Variants in TDRD10 observed in about 807,000 individuals in gnomAD.
TDRD10 encodes the protein tudor domain-containing protein 10.
Under a neutral mutation model 48.0 loss-of-function variants are expected in TDRD10, and 40 were observed. The observed-to-expected ratio is 0.83, with a 90% CI of 0.65 to 1.09. TDRD10 has a LOEUF of 1.09. Ranked by LOEUF, TDRD10 falls within the 50% of genes least tolerant of loss-of-function variation. The pLI, the probability that TDRD10 is intolerant of heterozygous loss-of-function variation, is 0.00. For synonymous variants in TDRD10, 162 were observed against 170.4 expected, an observed-to-expected ratio of 0.95 and a Z score of 0.38; for missense variants, 378 against 434.7, an observed-to-expected ratio of 0.87 and a Z score of 1.16.
intron 10 of TDRD10, 121 bp downstream of exon 10, chr1:154,544,638 C>G: frequency 4.1e-6 from 6 of 1,479,118 alleles, no homozygotes; most frequent in Non-Finnish European, 4.5e-6. Context: ...TCAAAATCAT[C>G]TTTATCCTTA....
At chr1:154,510,170 G>A (rs1259382241) in intron 4 of TDRD10, among the ~76,000 whole-genome samples, 1 of 151,432 alleles carries the variant, frequency 6.6e-6, no homozygotes, top group Non-Finnish European at 1.5e-5. Flanking sequence ...TTGGGAGGCT[G>A]AGGCAGAAGG....
At position 154,544,455 on chromosome 1, in the gene TDRD10, T is replaced by C. The variant is rs748414493; in HGVS notation, c.735T>C (p.Val245=). 67 of 1,612,842 alleles carry C rather than the reference T, an allele frequency of 4.2e-5. No homozygotes were observed. Among genetic ancestry groups the C allele is most frequent in the Non-Finnish European group, 5.7e-5 (67 of 1,179,748 alleles). The change falls in exon 10 of 13, where the codon GTT becomes GTC. Residue 245 remains valine (V), a synonymous_variant. Coordinates refer to ENST00000368482, the MANE Select transcript of TDRD10 (RefSeq NM_182499.4). The stretch of plus-strand genomic sequence containing the variant: ...AGCCCTACCTGGAGGGCTCCACCGT[T>C]ATGCGCGGGACTCGCTGTCTGGCAG... The part of the protein sequence containing the change: ...EQQPYLEGST[V]MRGTRCLAEY...
chr1:154,503,527 G>T (rs1010912407), intron 1 of TDRD10, among the ~76,000 whole-genome samples: 43 of 152,224 alleles, frequency 2.8e-4, no homozygotes, highest in African/African-American at 1.0e-3. Context: ...GGCGCAGGTT[G>T]CAGTGAGCTG....
At chr1:154,517,378 C>G (rs545684760) in intron 4 of TDRD10, among the ~76,000 whole-genome samples, 63 of 151,762 alleles carry the variant, frequency 4.2e-4, no homozygotes, top group African/African-American at 1.5e-3. Flanking sequence ...AATAGACATT[C>G]CAATTCTTAG....
intron 4 of TDRD10, among the ~76,000 whole-genome samples, chr1:154,512,248 A>G (rs1459638009): frequency 6.6e-6 from 1 of 152,116 alleles, no homozygotes; most frequent in Non-Finnish European, 1.5e-5. Flanking sequence ...GAATCATACA[A>G]TGTCGAATTT....
chr1:154,534,922 CAGCCAA>C (rs1430003609), intron 6 of TDRD10, among the ~76,000 whole-genome samples: 1 of 152,134 alleles, frequency 6.6e-6, no homozygotes, highest in Non-Finnish European at 1.5e-5. Flanking sequence ...AGATACAAAG[CAGCCAA>C]TGAGTGCCCA....
chr1:154,528,350 A>G (rs1187571451), intron 6 of TDRD10, among the ~76,000 whole-genome samples: 2 of 151,792 alleles, frequency 1.3e-5, no homozygotes, highest in Admixed American at 6.6e-5. Flanking sequence ...CAGCCTCCCT[A>G]GTAGCTGGGA....
intron 1 of TDRD10, among the ~76,000 whole-genome samples, chr1:154,504,310 T>C (rs1383743886): frequency 6.6e-6 from 1 of 152,270 alleles, no homozygotes; most frequent in African/African-American, 2.4e-5. Flanking sequence ...TTGGCTATTA[T>C]AAGCAACACT....
chr1:154,508,369 C>A, intron 3 of TDRD10, 54 bp from the exon 4 acceptor site: 1 of 1,251,566 alleles, frequency 8.0e-7, no homozygotes, highest in Non-Finnish European at 1.2e-6. Context: ...TCTGACTCCT[C>A]TGAATCCTCT....
intron 6 of TDRD10, 83 bp downstream of exon 6, chr1:154,521,562 C>T: frequency 6.8e-7 from 1 of 1,476,204 alleles, no homozygotes; most frequent in East Asian, 2.3e-5. Context: ...GTGCTTTCAT[C>T]CTCCTCCAGT....
At chr1:154,510,789 GT>G (rs1693419707) in intron 4 of TDRD10, among the ~76,000 whole-genome samples, 1 of 151,882 alleles carries the variant, frequency 6.6e-6, no homozygotes, top group South Asian at 2.1e-4. Context: ...GCTCACGCCT[GT>G]AATTCCAGCG....
chr1:154,509,489 C>T (rs574620889), intron 4 of TDRD10, among the ~76,000 whole-genome samples: 5 of 152,136 alleles, frequency 3.3e-5, no homozygotes, highest in Non-Finnish European at 7.4e-5. Flanking sequence ...TGAGAGGTCA[C>T]GTCCCGCAGC....
intron 6 of TDRD10, chr1:154,541,776 A>C: frequency 2.2e-6 from 1 of 448,456 alleles, no homozygotes. Context: ...GTAGCTCCAG[A>C]TGAGTGCTCC....
intron 6 of TDRD10, among the ~76,000 whole-genome samples, chr1:154,532,636 T>A (rs1196467973): frequency 2.0e-5 from 3 of 152,172 alleles, no homozygotes; most frequent in Admixed American, 6.5e-5. Flanking sequence ...CTGTCGCCTC[T>A]CATTTTTTTC....
In TDRD10 at chr1:154,502,835, G is replaced by C. The variant is rs1056876324; in HGVS notation, c.-222G>C. On this transcript the variant is annotated 5_prime_UTR_variant, in exon 1 of 13. Coordinates refer to ENST00000368482, the MANE Select transcript of TDRD10 (RefSeq NM_182499.4). ...GCAGGGACAACGGTCGCCAGCTCCT[G>C]CGCTAGTTCCGTTACTCTTCGGTGG... 1.3e-5 allele frequency: 2 copies of C among 152,278 alleles called. No individual in the cohort carries two copies. Among genetic ancestry groups the C allele is most frequent in the Admixed American group, 1.3e-4 (2 of 15,284 alleles). 9.4% of individuals were successfully genotyped at this position (152,278 alleles called of 1,614,324 possible).
chr1:154,527,338 AT>A (rs1295095396), intron 6 of TDRD10, among the ~76,000 whole-genome samples: 2 of 152,264 alleles, frequency 1.3e-5, no homozygotes, highest in Admixed American at 6.5e-5. Context: ...AAAGAGGCTC[AT>A]TCGTACACAG....
intron 6 of TDRD10, among the ~76,000 whole-genome samples, chr1:154,536,569 C>T (rs539893408): frequency 5.3e-5 from 8 of 152,294 alleles, no homozygotes; most frequent in African/African-American, 1.9e-4. Flanking sequence ...TTAAAGTGAA[C>T]CCATTTAAGT....
chr1:154,515,610 C>A (rs1283501561), intron 4 of TDRD10, among the ~76,000 whole-genome samples: 1 of 152,216 alleles, frequency 6.6e-6, no homozygotes, highest in Non-Finnish European at 1.5e-5. Flanking sequence ...CAGAGGCCCT[C>A]CCCGGCTCTT....
rs1242558806 is a variant in TDRD10 at position 154,535,914 on chromosome 1, G to A, written c.370-6110G>A. Among the ~76,000 whole-genome samples the A allele has an allele frequency of 3.9e-5, 6 of 152,198 alleles. No individual in the cohort carries two copies. In the East Asian group the frequency reaches 1.2e-3, roughly 29 times the overall value. On this transcript the variant is annotated intron_variant, in intron 6 of 12. Coordinates refer to ENST00000368482, the MANE Select transcript of TDRD10 (RefSeq NM_182499.4). Reference sequence around the variant, plus strand: ...AGTTGCTGTGCAGCAGGCAGTCCAGGGCAGAGCAGGACGGGGTGAGACTCC... The same window carrying A: ...AGTTGCTGTGCAGCAGGCAGTCCAGAGCAGAGCAGGACGGGGTGAGACTCC...
Sources: gnomAD v4.1 joint callset for allele counts (sites outside exome capture counted in the v4.1 genomes callset) on GRCh38, gnomAD v4.1.1 for gene constraint, MANE v1.5 for transcripts, NCBI Gene and HGNC (gene_info 2026-07-23, HGNC 2026-07-21) for gene names.